The following REPS1 variants were observed in gnomAD, a reference collection of about 807,000 sequenced individuals.
REPS1 encodes the protein ralBP1-associated Eps domain-containing protein 1.
A neutral mutation model predicts 100.9 loss-of-function variants in REPS1; 39 were observed. That is an observed-to-expected ratio of 0.39 (90% confidence interval 0.30 to 0.50). The LOEUF is 0.50. Ranked by LOEUF, REPS1 falls within the 20% of genes least tolerant of loss-of-function variation. The pLI is 0.86. For synonymous variants in REPS1, 324 were observed against 340.3 expected (o/e 0.95, Z 0.53); for missense variants, 821 against 968.5 (o/e 0.85, Z 2.02).
intron 10 of REPS1, among the ~76,000 whole-genome samples, chr6:138,921,343 AC>A (rs984663294): frequency 2.6e-5 from 4 of 151,708 alleles, no homozygotes; most frequent in Admixed American, 1.3e-4. Context: ...AAAAAAAAAA[AC>A]ATTTTAAGTG....
intron 18 of REPS1, 62 bp downstream of exon 18, chr6:138,908,606 C>T (rs1188868): frequency 0.83 from 1,324,638 of 1,586,418 alleles, 554,628 homozygotes; most frequent in African/African-American, 0.93. Context: ...AGTTTGATTA[C>T]TTTTAATTGT....
At chr6:138,940,714 C>A (rs1782193140) in intron 8 of REPS1, among the ~76,000 whole-genome samples, 1 of 150,904 alleles carries the variant, frequency 6.6e-6, no homozygotes, top group African/African-American at 2.4e-5. Context: ...CCACTGCACT[C>A]CAGCCTGGTG....
rs1779557366 is a variant in REPS1, at chr6:138,905,275, C to T, written c.2323-143G>A. 2.4e-5 allele frequency: 14 copies of T among 593,358 alleles called. No individual in the cohort carries two copies. The East Asian group carries it at 4.1e-4, about 17-fold the overall frequency. The allele number at this position is 593,358 out of a possible 1,614,324, so 36.8% of individuals were successfully genotyped here. On this transcript the variant is annotated intron_variant, in intron 19 of 19. Coordinates refer to ENST00000450536, the MANE Select transcript of REPS1 (RefSeq NM_001286611.2). ...TTATTCATATTTTAAAAGTATACTTCACTTTAGAAATGTAGTTTCTTTTTT... is the reference window on the plus strand; with the variant it reads ...TTATTCATATTTTAAAAGTATACTTTACTTTAGAAATGTAGTTTCTTTTTT...
intron 16 of REPS1, among the ~76,000 whole-genome samples, chr6:138,912,189 C>T (rs996092197): frequency 6.6e-6 from 1 of 152,152 alleles, no homozygotes; most frequent in African/African-American, 2.4e-5. Flanking sequence ...CAATTTAGGT[C>T]AGAGATTCCT....
Position 138,988,119 on chromosome 6 carries a change from G to A in REPS1, c.-437C>T. ...CCGTCCACGCCTCCGGAGCGGCAGCGCTTCCCGGAAAGTTGTGGGGCTTCG... is the reference window on the plus strand; with the variant it reads ...CCGTCCACGCCTCCGGAGCGGCAGCACTTCCCGGAAAGTTGTGGGGCTTCG... On this transcript the variant is annotated 5_prime_UTR_variant, in exon 1 of 20. Transcript: ENST00000450536. 1 of 398,072 alleles carries A rather than the reference G, an allele frequency of 2.5e-6. No individual in the cohort carries two copies. The highest frequency in any genetic ancestry group is 4.4e-6 in the Non-Finnish European group (1 of 225,722). The allele number at this position is 398,072 out of a possible 1,614,324, so 24.7% of individuals were successfully genotyped here. A position where few individuals can be genotyped will look rare whatever the true frequency, so the allele number is the denominator to read the frequency against.
At chr6:138,948,013 T>C (rs1205033451) in intron 1 of REPS1, 100 bp from the exon 2 acceptor site, 24 of 1,062,022 alleles carry the variant, frequency 2.3e-5, no homozygotes, top group Non-Finnish European at 2.9e-5. Context: ...AAAATATCTA[T>C]CTAATAGATG....
chr6:138,913,853 A>G (rs563140337), intron 15 of REPS1, among the ~76,000 whole-genome samples: 113 of 152,326 alleles, frequency 7.4e-4, no homozygotes, highest in Non-Finnish European at 1.4e-3. Context: ...CTTTTCCCCA[A>G]TAAATTCCAC....
chr6:138,979,529 T>C (rs555847006), intron 1 of REPS1, among the ~76,000 whole-genome samples: 2 of 152,308 alleles, frequency 1.3e-5, no homozygotes, highest in East Asian at 1.9e-4. Context: ...CACTAGTCCA[T>C]GAAACTGGCT....
At chr6:138,979,136 AG>A (rs1784771000) in intron 1 of REPS1, among the ~76,000 whole-genome samples, 1 of 137,148 alleles carries the variant, frequency 7.3e-6, no homozygotes, top group South Asian at 2.6e-4. Context: ...AGCCAAGACC[AG>A]GCCATTGCAC....
chr6:138,914,600 T>C, intron 15 of REPS1, 97 bp downstream of exon 15: 1 of 951,852 alleles, frequency 1.1e-6, no homozygotes. Flanking sequence ...TACCAACAGA[T>C]CATTCCTGAC....
intron 1 of REPS1, among the ~76,000 whole-genome samples, chr6:138,985,366 A>T (rs767836757): frequency 1.8e-4 from 28 of 152,208 alleles, no homozygotes; most frequent in Non-Finnish European, 3.4e-4. Context: ...AATTGACAAG[A>T]TCCTCAAGAG....
At chr6:138,941,207 TC>T (rs1398531297) in intron 8 of REPS1, 127 bp downstream of exon 8, 3 of 1,001,000 alleles carry the variant, frequency 3.0e-6, no homozygotes, top group Non-Finnish European at 4.5e-6. Flanking sequence ...TGATGACAAA[TC>T]TATGTACACT....
intron 1 of REPS1, among the ~76,000 whole-genome samples, chr6:138,952,810 A>G (rs1454785968): frequency 6.6e-6 from 1 of 151,772 alleles, no homozygotes; most frequent in African/African-American, 2.4e-5. Context: ...ATATGGAGAT[A>G]CAGACAGATA....
chr6:138,966,903 A>G (rs887232182), intron 1 of REPS1, among the ~76,000 whole-genome samples: 1 of 152,232 alleles, frequency 6.6e-6, no homozygotes, highest in Admixed American at 6.5e-5. Flanking sequence ...TGCTGAAAAC[A>G]TCTGCTATGG....
At chr6:138,908,616 T>C in intron 18 of REPS1, 52 bp downstream of exon 18, 4 of 1,596,814 alleles carry the variant, frequency 2.5e-6, no homozygotes, top group South Asian at 1.1e-5. Flanking sequence ...CTTTTAATTG[T>C]CGTGCTTTTT....
intron 1 of REPS1, among the ~76,000 whole-genome samples, chr6:138,962,620 TTCAG>T (rs1449824185): frequency 6.6e-6 from 1 of 152,176 alleles, no homozygotes; most frequent in Non-Finnish European, 1.5e-5. Flanking sequence ...CCCTTCTTTC[TTCAG>T]TAAGTCAAGA....
intron 14 of REPS1, 151 bp from the exon 15 acceptor site, chr6:138,914,912 G>A (rs1490226725): frequency 3.0e-6 from 2 of 656,848 alleles, no homozygotes; most frequent in East Asian, 5.8e-5. Context: ...TACATGGTCT[G>A]TATGTAACCT....
Position 138,941,472 on chromosome 6 carries a change from T to C in REPS1, c.998A>G (p.Asp333Gly). 6.2e-7 allele frequency: 1 copy of C among 1,613,870 alleles called. No homozygotes were observed. The highest frequency in any genetic ancestry group is 8.5e-7 in the Non-Finnish European group (1 of 1,179,814). ...LSHIWELSDF[D>G]KDGALTLDEF... ...ATCCAGTGTCAATGCACCATCTTTATCAAAGTCTGAGAGTTCCCTAGAAGA... is the reference window on the plus strand; with the variant it reads ...ATCCAGTGTCAATGCACCATCTTTACCAAAGTCTGAGAGTTCCCTAGAAGA... The change falls in exon 8 of 20, where the codon GAT (aspartate) becomes GGT (glycine). Residue 333 changes from aspartate to glycine, a missense_variant. By Grantham distance (94) the Asp-to-Gly change is moderately conservative. Transcript: ENST00000450536.
chr6:138,931,378 C>T (rs1781475609), intron 8 of REPS1, among the ~76,000 whole-genome samples: 1 of 152,094 alleles, frequency 6.6e-6, no homozygotes. Flanking sequence ...ACTTCATTCA[C>T]CTTTACTGCC....
Sources: allele counts gnomAD v4.1 joint callset (sites outside exome capture counted in the v4.1 genomes callset), GRCh38; gene constraint gnomAD v4.1.1; transcripts MANE v1.5; gene names NCBI Gene and HGNC (gene_info 2026-07-23, HGNC 2026-07-21).